Variants in PRKDC observed in about 807,000 individuals in gnomAD.
The protein encoded by PRKDC is DNA-dependent protein kinase catalytic subunit.
A neutral mutation model predicts 486.9 loss-of-function variants in PRKDC; 82 were observed. The observed-to-expected ratio is 0.17, with a 90% CI of 0.14 to 0.20. PRKDC has a LOEUF of 0.20. PRKDC is among the 10% of genes least tolerant of loss of function. The pLI is 1.00. For synonymous variants in PRKDC, 1,895 were observed against 1,837.0 expected (o/e 1.03, Z -0.81); for missense variants, 4,504 against 5,038.2 (o/e 0.89, Z 3.21).
Position 47,934,087 on chromosome 8 carries a change from G to A in PRKDC, c.1501C>T (p.Pro501Ser), listed in dbSNP as rs2090305228. Residue 501 changes from proline to serine, a missense_variant, in exon 15 of 86, where the codon CCT (proline) becomes TCT (serine). Pro to Ser is a moderately conservative substitution (Grantham distance 74). Transcript: ENST00000314191. ...CGGTGGTCTTCAGATTCAGACTCAGGGCCCTGGCCAGAAAGACAGCATGAC... is the reference window on the plus strand; with the variant it reads ...CGGTGGTCTTCAGATTCAGACTCAGAGCCCTGGCCAGAAAGACAGCATGAC... The part of the protein sequence containing the change: ...CSKPVVLPKG[P>S]ESESEDHRAS... 6.2e-7 allele frequency: 1 copy of A among 1,611,964 alleles called. No homozygotes were observed. Among genetic ancestry groups the A allele is most frequent in the Non-Finnish European group, 8.5e-7 (1 of 1,178,966 alleles).
intron 30 of PRKDC, 100 bp from the exon 31 acceptor site, chr8:47,893,487 T>C: frequency 8.1e-7 from 1 of 1,239,454 alleles, no homozygotes; most frequent in Middle Eastern, 2.7e-4. Flanking sequence ...CAATCTTTTT[T>C]CATTTTACTA....
intron 28 of PRKDC, among the ~76,000 whole-genome samples, chr8:47,898,802 G>A (rs2089629623): frequency 6.6e-6 from 1 of 152,184 alleles, no homozygotes; most frequent in Non-Finnish European, 1.5e-5. Flanking sequence ...GTGCGTGCAC[G>A]CACAAACACA....
chr8:47,894,881 C>G (rs912824520), intron 30 of PRKDC, among the ~76,000 whole-genome samples: 1 of 152,116 alleles, frequency 6.6e-6, no homozygotes, highest in African/African-American at 2.4e-5. Context: ...CTAGCCTGGG[C>G]AACATATTAA....
At chr8:47,792,194 A>T (rs917421723) in intron 74 of PRKDC, among the ~76,000 whole-genome samples, 1 of 152,012 alleles carries the variant, frequency 6.6e-6, no homozygotes, top group Non-Finnish European at 1.5e-5. Context: ...TGGGCACAAA[A>T]ATATAGTTAG....
intron 21 of PRKDC, among the ~76,000 whole-genome samples, chr8:47,921,771 C>G (rs2090075816): frequency 6.6e-6 from 1 of 152,164 alleles, no homozygotes; most frequent in Non-Finnish European, 1.5e-5. Context: ...TACAGAAATA[C>G]AATTGCATGC....
At position 47,857,236 on chromosome 8, in the gene PRKDC, T is replaced by G; in HGVS notation, c.6529A>C (p.Asn2177His). ...PLLQLAASEN[N>H]GGEGIHYMVV... is the part of the protein sequence containing the mutation. ...ATGTAGTGAATTCCTTCTCCTCCATTGTTTTCAGAAGCAGCCAGCTGCAGC... is the reference window on the plus strand; with the variant it reads ...ATGTAGTGAATTCCTTCTCCTCCATGGTTTTCAGAAGCAGCCAGCTGCAGC... Residue 2177 changes from asparagine to histidine, a missense_variant, in exon 49 of 86, where the codon AAT becomes CAT. By Grantham distance (68) the Asn-to-His change is moderately conservative. Around this residue, in one of 6 missense-constraint regions of PRKDC, gnomAD observed 1,592 missense variants for 1,724.6 expected, o/e 0.92. Coordinates refer to ENST00000314191, the MANE Select transcript of PRKDC (RefSeq NM_006904.7). 1 of 1,614,014 alleles carries G rather than the reference T, an allele frequency of 6.2e-7. No homozygotes were observed. The highest frequency in any genetic ancestry group is 8.5e-7 in the Non-Finnish European group (1 of 1,179,898).
intron 60 of PRKDC, 101 bp from the exon 61 acceptor site, chr8:47,830,837 C>T (rs1428192560): frequency 1.6e-5 from 23 of 1,464,164 alleles, no homozygotes; most frequent in African/African-American, 4.2e-5. Context: ...ACCATGAGGG[C>T]GAAGTGGTGG....
intron 22 of PRKDC, 25 bp from the exon 23 acceptor site, chr8:47,915,443 A>C: frequency 1.5e-6 from 2 of 1,305,430 alleles, no homozygotes; most frequent in Non-Finnish European, 2.1e-6. Context: ...AATTGTATAT[A>C]TGTGATTACA....
At chr8:47,817,284 G>A (rs1242284352) in intron 68 of PRKDC, among the ~76,000 whole-genome samples, 166 bp downstream of exon 68, 1 of 152,132 alleles carries the variant, frequency 6.6e-6, no homozygotes, top group Non-Finnish European at 1.5e-5. Context: ...GGACACTGCA[G>A]ACACGGAGAG....
intron 38 of PRKDC, among the ~76,000 whole-genome samples, chr8:47,881,022 G>A (rs1389239907): frequency 6.6e-6 from 1 of 150,976 alleles, no homozygotes; most frequent in Non-Finnish European, 1.5e-5. Flanking sequence ...ACTTCAGCCT[G>A]GGTGACAGAG....
intron 73 of PRKDC, among the ~76,000 whole-genome samples, chr8:47,796,291 A>T (rs1218762486): frequency 1.3e-5 from 2 of 151,878 alleles, no homozygotes; most frequent in Non-Finnish European, 2.9e-5. Context: ...TCGAGCCGAG[A>T]TCACGCCACT....
At chr8:47,906,622 CAA>C (rs35230621) in intron 25 of PRKDC, among the ~76,000 whole-genome samples, 8 of 138,022 alleles carry the variant, frequency 5.8e-5, no homozygotes, top group East Asian at 2.1e-4. Flanking sequence ...GAGATTCCGT[CAA>C]AAAAAAAAAA....
chr8:47,883,091 G>C (rs1248622332), intron 36 of PRKDC, among the ~76,000 whole-genome samples: 1 of 152,206 alleles, frequency 6.6e-6, no homozygotes, highest in Non-Finnish European at 1.5e-5. Flanking sequence ...TCTCTACCCA[G>C]CAGCATCGTG....
Position 47,863,572 on chromosome 8 carries a change from A to G in PRKDC, c.5577T>C (p.Asn1859=). 1 of 1,607,750 alleles carries G rather than the reference A, an allele frequency of 6.2e-7. No individual in the cohort carries two copies. Among genetic ancestry groups the G allele is most frequent in the African/African-American group, 1.3e-5 (1 of 74,850 alleles). The change falls in exon 42 of 86, where the codon AAT becomes AAC. Residue 1859 remains asparagine (N), a synonymous_variant. Transcript: ENST00000314191. ...DVLKSRFTKL[N]ESTFDTQITK... The stretch of plus-strand genomic sequence containing the variant: ...TGATTTGAGTATCAAAGGTAGATTC[A>G]TTTAGCTTCAAAAAGGTAAAAAATA...
intron 15 of PRKDC, 58 bp from the exon 16 acceptor site, chr8:47,933,230 T>G: frequency 7.5e-7 from 1 of 1,341,424 alleles, no homozygotes; most frequent in South Asian, 1.5e-5. Context: ...TATTAGTATT[T>G]TATAAGCATT....
intron 58 of PRKDC, among the ~76,000 whole-genome samples, chr8:47,834,842 T>C (rs1056079118): frequency 2.6e-5 from 4 of 151,166 alleles, no homozygotes; most frequent in South Asian, 4.2e-4. Context: ...AGGCGCCCGC[T>C]ACCACGCCCG....
chr8:47,894,229 A>G (rs2089527951), intron 30 of PRKDC, among the ~76,000 whole-genome samples: 4 of 152,176 alleles, frequency 2.6e-5, no homozygotes, highest in Admixed American at 2.6e-4. Context: ...GTGAGCCAAG[A>G]TCACGCCACT....
At chr8:47,779,960 G>A (rs1236204238) in intron 80 of PRKDC, among the ~76,000 whole-genome samples, 8 of 147,864 alleles carry the variant, frequency 5.4e-5, no homozygotes, top group Non-Finnish European at 8.9e-5. Context: ...TGTCGCCCAG[G>A]CTGGAGTGCA....
intron 21 of PRKDC, among the ~76,000 whole-genome samples, chr8:47,926,108 AAATT>A: frequency 6.6e-6 from 1 of 152,338 alleles, no homozygotes; most frequent in East Asian, 1.9e-4. Flanking sequence ...TCAAAAAAGA[AAATT>A]AAATACTATA....
Sources: gnomAD v4.1 joint callset for allele counts (sites outside exome capture counted in the v4.1 genomes callset) on GRCh38, gnomAD v4.1.1 for gene constraint, gnomAD v4.1.1 regional missense constraint, MANE v1.5 for transcripts, NCBI Gene and HGNC (gene_info 2026-07-23, HGNC 2026-07-21) for gene names.